The following TBL1XR1 variants were observed in gnomAD, a reference collection of about 807,000 sequenced individuals.
TBL1XR1 encodes the protein F-box-like/WD repeat-containing protein TBL1XR1.
A neutral mutation model predicts 66.9 loss-of-function variants in TBL1XR1; 5 were observed. The ratio of observed to expected loss-of-function variants is 0.07; its 90% CI spans 0.04 to 0.16. The LOEUF (loss-of-function observed/expected upper bound fraction) is 0.16, where lower values mean the gene tolerates loss of function less well. TBL1XR1 is among the 10% of genes least tolerant of loss of function. The pLI is 1.00. For missense variants in TBL1XR1, 238 were observed against 623.2 expected (o/e 0.38, Z 6.58); for synonymous variants, 210 against 206.0 (o/e 1.02, Z -0.17).
At chr3:177,168,990 C>CT (rs571421869) in intron 1 of TBL1XR1, among the ~76,000 whole-genome samples, 1 of 151,600 alleles carries the variant, frequency 6.6e-6, no homozygotes, top group African/African-American at 2.4e-5. Context: ...AAGTGATTAA[C>CT]TTTTTTTTTC....
intron 2 of TBL1XR1, among the ~76,000 whole-genome samples, chr3:177,071,107 T>C (rs1240623388): frequency 1.4e-5 from 2 of 146,994 alleles, no homozygotes; most frequent in African/African-American, 5.1e-5. Flanking sequence ...CTCGGCTCAC[T>C]GCAAGCTCCG....
upstream of TBL1XR1, among the ~76,000 whole-genome samples, chr3:177,197,844 C>A (rs1395598946): frequency 6.8e-6 from 1 of 147,770 alleles, no homozygotes; most frequent in Non-Finnish European, 1.5e-5. Flanking sequence ...GGGCCCCGGG[C>A]CGCCCGCCCC....
At chr3:177,132,089 T>C (rs189589140) in intron 1 of TBL1XR1, among the ~76,000 whole-genome samples, 39 of 152,326 alleles carry the variant, frequency 2.6e-4, no homozygotes, top group Non-Finnish European at 5.1e-4. Flanking sequence ...AGCTATGGCC[T>C]GTCTGTACCG....
At chr3:177,183,793 A>G (rs1016849915) in intron 1 of TBL1XR1, among the ~76,000 whole-genome samples, 1 of 151,046 alleles carries the variant, frequency 6.6e-6, no homozygotes, top group Non-Finnish European at 1.5e-5. Flanking sequence ...GAAAGGTACA[A>G]TCTTCTTTTT....
intron 1 of TBL1XR1, among the ~76,000 whole-genome samples, chr3:177,104,074 T>C (rs1392555125): frequency 4.1e-5 from 6 of 146,184 alleles, no homozygotes; most frequent in Non-Finnish European, 4.5e-5. Flanking sequence ...TGAGATCACA[T>C]CACTGCATTC....
intron 1 of TBL1XR1, among the ~76,000 whole-genome samples, chr3:177,156,324 C>T (rs554957491): frequency 6.6e-6 from 1 of 151,296 alleles, no homozygotes; most frequent in Non-Finnish European, 1.5e-5. Flanking sequence ...ATGGCAAAAC[C>T]CCCGTCTCTA....
intron 1 of TBL1XR1, among the ~76,000 whole-genome samples, chr3:177,134,605 C>T (rs1728681653): frequency 6.6e-6 from 1 of 152,124 alleles, no homozygotes; most frequent in African/African-American, 2.4e-5. Flanking sequence ...CGGTCTTTCC[C>T]CCTTATGTTT....
Position 177,063,854 on chromosome 3 carries a change from GT to G in TBL1XR1, c.58+1065del, listed in dbSNP as rs1322861415. Among the ~76,000 whole-genome samples the G allele has an allele frequency of 2.0e-5, 3 of 152,142 alleles. No individual in the cohort carries two copies. The East Asian group carries it at 5.8e-4, about 29-fold the overall frequency. The stretch of plus-strand genomic sequence containing the variant: ...AGCTGTTACACCTCAGAGAGGGGCA[GT>G]GATGGTGCTTGGGAATAGAAAACCC... On this transcript the variant is annotated intron_variant, in intron 3 of 15. Coordinates refer to ENST00000457928, the MANE Select transcript of TBL1XR1 (RefSeq NM_024665.7).
rs765038626 is a variant in TBL1XR1 at position 177,069,803 on chromosome 3, A to AAG, written c.-45-4782_-45-4781insCT. Among the ~76,000 whole-genome samples the AAG allele has an allele frequency of 9.0e-3, 1,018 of 113,114 alleles. 6 individuals are homozygous for AAG. The highest frequency in any genetic ancestry group is 0.015 in the Non-Finnish European group (758 of 50,776). 74.2% of individuals were successfully genotyped at this position (113,114 alleles called of 152,430 possible). A position where few individuals can be genotyped will look rare whatever the true frequency, so the allele number is the denominator to read the frequency against. ...GAAGGAAAAGGAAGGAAAGGAAGGAAGGAAGGAAGGAAGGAAGGAAGGAAG... is the reference window on the plus strand; with the variant it reads ...GAAGGAAAAGGAAGGAAAGGAAGGAAAGGGAAGGAAGGAAGGAAGGAAGGAAG... On this transcript the variant is annotated intron_variant, in intron 2 of 15. Coordinates refer to ENST00000457928, the MANE Select transcript of TBL1XR1 (RefSeq NM_024665.7).
At chr3:177,041,697 A>G (rs1715610387) in intron 10 of TBL1XR1, among the ~76,000 whole-genome samples, 1 of 152,102 alleles carries the variant, frequency 6.6e-6, no homozygotes, top group Non-Finnish European at 1.5e-5. Flanking sequence ...TTCGTTCCTT[A>G]CTGCACTCTG....
chr3:177,195,700 A>G (rs981951178), intron 1 of TBL1XR1: 1 of 151,906 alleles, frequency 6.6e-6, no homozygotes, highest in Non-Finnish European at 1.5e-5. Flanking sequence ...TCACTTAATT[A>G]TATGAGGTGG....
chr3:177,083,680 A>G (rs903873825), intron 2 of TBL1XR1, among the ~76,000 whole-genome samples: 2 of 152,178 alleles, frequency 1.3e-5, no homozygotes, highest in East Asian at 1.9e-4. Flanking sequence ...ACATTTCCTC[A>G]TATTTGTTGT....
intron 14 of TBL1XR1, among the ~76,000 whole-genome samples, chr3:177,028,786 A>C (rs1276245013): frequency 3.9e-5 from 6 of 152,200 alleles, no homozygotes; most frequent in Admixed American, 3.9e-4. Flanking sequence ...TTTGAAGAAT[A>C]ACAACAAGAG....
chr3:177,040,757 C>T lies in TBL1XR1; in HGVS notation c.926-2323G>A, dbSNP rs559220670. Reference sequence around the variant, plus strand: ...TACTAAGTACTAAAGAACAAAGAAGCGAATTGTAGTAATATGACCAGACAT... The same window carrying T: ...TACTAAGTACTAAAGAACAAAGAAGTGAATTGTAGTAATATGACCAGACAT... On this transcript the variant is annotated intron_variant, in intron 10 of 15. Transcript: ENST00000457928. Among the ~76,000 whole-genome samples the T allele has an allele frequency of 1.4e-4, 21 of 151,608 alleles. No homozygotes were observed. The South Asian group carries it at 2.7e-3, about 20-fold the overall frequency.
At chr3:177,105,583 C>G (rs762749217) in intron 1 of TBL1XR1, among the ~76,000 whole-genome samples, 3 of 152,212 alleles carry the variant, frequency 2.0e-5, no homozygotes, top group Non-Finnish European at 4.4e-5. Context: ...CTACAACACA[C>G]AAATCATTCA....
At chr3:177,164,627 C>T (rs941488788) in intron 1 of TBL1XR1, among the ~76,000 whole-genome samples, 22 of 152,244 alleles carry the variant, frequency 1.4e-4, no homozygotes, top group African/African-American at 5.1e-4. Context: ...GGATTACAGG[C>T]GTGAGCCACT....
upstream of TBL1XR1, among the ~76,000 whole-genome samples, chr3:177,200,033 C>T (rs781773596): frequency 5.7e-4 from 87 of 151,782 alleles, no homozygotes; most frequent in African/African-American, 1.9e-3. Context: ...AGTGCAATGG[C>T]GGAATGTCGG....
At chr3:177,095,971 A>AT (rs1232422952) in intron 2 of TBL1XR1, among the ~76,000 whole-genome samples, 9 of 152,364 alleles carry the variant, frequency 5.9e-5, no homozygotes, top group African/African-American at 2.2e-4. Context: ...AAGTATCAAA[A>AT]TATCACATGT....
chr3:177,125,696 C>A (rs1032532393), intron 1 of TBL1XR1, among the ~76,000 whole-genome samples: 3 of 152,040 alleles, frequency 2.0e-5, no homozygotes, highest in Non-Finnish European at 2.9e-5. Flanking sequence ...GTATACTTGA[C>A]GTGCCATGGA....
Sources: gnomAD v4.1 joint callset for allele counts (sites outside exome capture counted in the v4.1 genomes callset) on GRCh38, gnomAD v4.1.1 for gene constraint, MANE v1.5 for transcripts, NCBI Gene and HGNC (gene_info 2026-07-23, HGNC 2026-07-21) for gene names.